CCDC30: variants seen among roughly 807,000 people sequenced by gnomAD.
CCDC30 encodes the protein coiled-coil domain-containing protein 30.
A neutral mutation model predicts 100.2 loss-of-function variants in CCDC30; 70 were observed. The ratio of observed to expected loss-of-function variants is 0.70; its 90% CI spans 0.58 to 0.85. The LOEUF (loss-of-function observed/expected upper bound fraction) is 0.85. CCDC30 is among the 40% of genes least tolerant of loss of function. CCDC30 has a pLI of 0.00. For missense variants in CCDC30, 652 were observed against 771.2 expected (o/e 0.85, Z 1.83); for synonymous variants, 233 against 269.5 (o/e 0.86, Z 1.33).
At chr1:42,566,381 T>A (rs1288890651) in exon 7 of CCDC30, 3 of 1,614,028 alleles carry the variant, frequency 1.9e-6, no homozygotes, top group Non-Finnish European at 2.5e-6. Flanking sequence ...CTCCAGATTC[T>A]ATGCAACTCA....
chr1:42,535,725 T>TATATATATAGATATA (rs1644890856), intron 6 of CCDC30, among the ~76,000 whole-genome samples: 1 of 97,172 alleles, frequency 1.0e-5, no homozygotes, highest in African/African-American at 4.2e-5. Context: ...ATATAAATTT[T>TATATATATAGATATA]AAAAAATTAA....
intron 6 of CCDC30, among the ~76,000 whole-genome samples, chr1:42,531,294 TGTA>T (rs1644802463): frequency 6.6e-6 from 1 of 152,206 alleles, no homozygotes; most frequent in Non-Finnish European, 1.5e-5. Flanking sequence ...CCATGCTTCC[TGTA>T]GAGCCTGAGG....
downstream of CCDC30, among the ~76,000 whole-genome samples, chr1:42,655,664 C>T (rs534374210): frequency 1.2e-4 from 19 of 152,228 alleles, no homozygotes; most frequent in South Asian, 3.9e-3. Flanking sequence ...GAAACTACCC[C>T]TAAATATTTC....
Position 42,611,098 on chromosome 1 carries a change from A to G in CCDC30, c.1277+8A>G, listed in dbSNP as rs771899049. ...GCTTAATGTCCATGTGAGGTAAACA[A>G]AGACAAGTTCTCTTTGGAAGAAAAC... is the stretch of plus-strand genomic sequence containing the variant. On this transcript the variant is annotated splice_region_variant and intron_variant, in intron 11 of 16. Coordinates refer to ENST00000668663, the Ensembl canonical transcript of CCDC30. The G allele has an allele frequency of 2.0e-6, 3 of 1,501,510 alleles. No homozygotes were observed. Among genetic ancestry groups the G allele is most frequent in the Non-Finnish European group, 2.8e-6 (3 of 1,077,746 alleles). 93.0% of individuals were successfully genotyped at this position (1,501,510 alleles called of 1,614,324 possible).
intron 1 of CCDC30, among the ~76,000 whole-genome samples, chr1:42,464,499 T>A (rs112421980): frequency 6.6e-6 from 1 of 152,232 alleles, no homozygotes; most frequent in Admixed American, 6.5e-5. Flanking sequence ...TCTTTTCCTG[T>A]CAATTTCTGA....
chr1:42,561,784 C>A (rs1404951192), intron 6 of CCDC30, among the ~76,000 whole-genome samples: 1 of 152,242 alleles, frequency 6.6e-6, no homozygotes, highest in East Asian at 1.9e-4. Context: ...TGTGCAAAAA[C>A]CACAAGTATT....
rs113707238 is a variant in CCDC30, at chr1:42,602,672, A to C, written c.1165-8306A>C. ...ATACTAACCTTCTAAAACAGAAAGC[A>C]CCAGGCCCAGATGGTTTCACTGGTG... On this transcript the variant is annotated intron_variant, in intron 10 of 16. Transcript: ENST00000668663. 6.2e-3 allele frequency among the ~76,000 whole-genome samples: 952 copies of C among 152,332 alleles called. 6 individuals are homozygous for C. The highest frequency in any genetic ancestry group is 0.021 in the African/African-American group (889 of 41,586).
At chr1:42,618,856 C>T (rs1646776878) in intron 11 of CCDC30, among the ~76,000 whole-genome samples, 1 of 152,204 alleles carries the variant, frequency 6.6e-6, no homozygotes. Context: ...GACGGGAAGG[C>T]AAGGGCATTC....
At chr1:42,492,940 C>G (rs544884153) in intron 4 of CCDC30, among the ~76,000 whole-genome samples, 2 of 151,566 alleles carry the variant, frequency 1.3e-5, no homozygotes, top group Non-Finnish European at 2.9e-5. Context: ...CCACCGCACC[C>G]GGCCTAAAAA....
At chr1:42,550,173 C>T (rs925311286) in intron 6 of CCDC30, among the ~76,000 whole-genome samples, 2 of 152,162 alleles carry the variant, frequency 1.3e-5, no homozygotes, top group Admixed American at 6.5e-5. Context: ...CACATCCTGT[C>T]ACTTCTACCA....
chr1:42,504,282 C>A (rs548362860), intron 6 of CCDC30, among the ~76,000 whole-genome samples: 1 of 152,148 alleles, frequency 6.6e-6, no homozygotes, highest in African/African-American at 2.4e-5. Flanking sequence ...CCAGCGTGGG[C>A]ATTATGGCCA....
At chr1:42,484,915 A>T (rs1644025326) in intron 3 of CCDC30, among the ~76,000 whole-genome samples, 1 of 152,160 alleles carries the variant, frequency 6.6e-6, no homozygotes, top group Non-Finnish European at 1.5e-5. Context: ...GATTTAAGAG[A>T]CTTATTAACC....
intron 1 of CCDC30, chr1:42,464,132 G>A (rs559264161): frequency 6.6e-6 from 1 of 152,310 alleles, no homozygotes; most frequent in South Asian, 2.1e-4. Context: ...CAGCTCTGCA[G>A]TCATTGGGAA....
chr1:42,499,780 CT>C (rs113815487), intron 6 of CCDC30, among the ~76,000 whole-genome samples: 81 of 147,656 alleles, frequency 5.5e-4, no homozygotes, highest in Middle Eastern at 3.5e-3. Context: ...GGCTTGTATT[CT>C]TTTTTTTTTT....
At chr1:42,613,662 A>G (rs1007526904) in intron 11 of CCDC30, among the ~76,000 whole-genome samples, 1 of 152,044 alleles carries the variant, frequency 6.6e-6, no homozygotes, top group African/African-American at 2.4e-5. Context: ...GCATTAGTAA[A>G]CTGTCATGGC....
At chr1:42,608,111 G>A (rs185214202) in intron 10 of CCDC30, among the ~76,000 whole-genome samples, 2 of 150,508 alleles carry the variant, frequency 1.3e-5, no homozygotes, top group South Asian at 2.1e-4. Context: ...TAGACCAGGG[G>A]TCATAAGGCC....
At chr1:42,513,192 G>A (rs72659939) in intron 6 of CCDC30, among the ~76,000 whole-genome samples, 20,693 of 152,132 alleles carry the variant, frequency 0.14, 1,551 homozygotes, top group East Asian at 0.18. Context: ...GGAGGGGAAA[G>A]TTTAATAGGC....
intron 10 of CCDC30, among the ~76,000 whole-genome samples, chr1:42,606,871 T>G (rs1449074412): frequency 6.6e-6 from 1 of 152,220 alleles, no homozygotes; most frequent in Non-Finnish European, 1.5e-5. Context: ...GAATCCACCA[T>G]GAGGACCGTT....
chr1:42,506,269 A>T (rs985777011), intron 6 of CCDC30, among the ~76,000 whole-genome samples: 3 of 152,234 alleles, frequency 2.0e-5, no homozygotes, highest in Non-Finnish European at 4.4e-5. Context: ...ATATTCATGA[A>T]CATTTCAGCT....
Sources: gnomAD v4.1 joint callset for allele counts (sites outside exome capture counted in the v4.1 genomes callset) on GRCh38, gnomAD v4.1.1 for gene constraint, MANE v1.5 for transcripts, NCBI Gene and HGNC (gene_info 2026-07-23, HGNC 2026-07-21) for gene names.